UGT2B11: variants seen among roughly 807,000 people sequenced by gnomAD.
UGT2B11 encodes the protein UDP-glucuronosyltransferase 2B11.
In UGT2B11, 49 loss-of-function variants were observed where a neutral mutation model predicts 51.7. The observed-to-expected ratio is 0.95, with a 90% CI of 0.75 to 1.20. UGT2B11 has a LOEUF of 1.20. Among genes scored for constraint, UGT2B11 ranks in the 50% most tolerant of loss-of-function variants. The pLI is 0.00. For missense variants in UGT2B11, 810 were observed against 622.1 expected, an observed-to-expected ratio of 1.30 and a Z score of -3.21; for synonymous variants, 273 against 209.0, an observed-to-expected ratio of 1.31 and a Z score of -2.64.
the UGT2B11 span, among the ~76,000 whole-genome samples, chr4:69,223,078 T>C: frequency 2.0e-5 from 3 of 152,188 alleles, no homozygotes; most frequent in Non-Finnish European, 4.4e-5. Flanking sequence ...ATCACTCCAT[T>C]TATCTTCCTG....
chr4:69,215,378 A>G (rs1012773954), upstream of UGT2B11: 1 of 152,064 alleles, frequency 6.6e-6, no homozygotes. Context: ...ACGGAACAAT[A>G]TAGTATGTGG....
upstream of UGT2B11, chr4:69,214,812 C>T: frequency 1.3e-6 from 2 of 1,521,896 alleles, no homozygotes; most frequent in Non-Finnish European, 8.8e-7. Flanking sequence ...AATATAACTC[C>T]TCCAATCCAA....
rs1722200950 is a variant in UGT2B11 at position 69,214,511 on chromosome 4, G to C, written c.212C>G (p.Thr71Ser). 1 of 1,613,066 alleles carries C rather than the reference G, an allele frequency of 6.2e-7. No homozygotes were observed. Among genetic ancestry groups the C allele is most frequent in the Non-Finnish European group, 8.5e-7 (1 of 1,179,502 alleles). ...SILFDPNDAS[T>S]LKFEVYPTSL... ...TGTAGGATAAACTTCAAATTTAAGA[G>C]TGGATGCATCATTGGGATCAAAAAG... Residue 71 changes from threonine to serine, a missense_variant, in exon 1 of 6, where the codon ACT (threonine) becomes AGT (serine). Coordinates refer to ENST00000446444, the MANE Select transcript of UGT2B11 (RefSeq NM_001073.3).
chr4:69,224,095 G>A, the UGT2B11 span, among the ~76,000 whole-genome samples: 1 of 152,284 alleles, frequency 6.6e-6, no homozygotes, highest in Admixed American at 6.5e-5. Flanking sequence ...CTGATCCTCG[G>A]AGGGCACCAT....
At chr4:69,224,530 G>A in the UGT2B11 span, among the ~76,000 whole-genome samples, 1 of 152,226 alleles carries the variant, frequency 6.6e-6, no homozygotes, top group East Asian at 1.9e-4. Context: ...GCCCAGAGGT[G>A]CCCGGTTTAG....
At chr4:69,223,989 A>G in the UGT2B11 span, among the ~76,000 whole-genome samples, 1 of 152,194 alleles carries the variant, frequency 6.6e-6, no homozygotes, top group Non-Finnish European at 1.5e-5. Context: ...CCATATGATA[A>G]TTACAGACCT....
chr4:69,212,533 T>A (rs1243946768), intron 2 of UGT2B11, 40 bp downstream of exon 2: 1 of 1,590,928 alleles, frequency 6.3e-7, no homozygotes, highest in Non-Finnish European at 8.5e-7. Flanking sequence ...CTACTGAAAC[T>A]TCGAAGCCAA....
intron 2 of UGT2B11, among the ~76,000 whole-genome samples, chr4:69,209,827 T>A (rs1721991613): frequency 6.6e-6 from 1 of 151,592 alleles, no homozygotes; most frequent in Admixed American, 6.6e-5. Flanking sequence ...ATCTAATCTC[T>A]GTTTAGAGAT....
At chr4:69,211,740 G>A (rs1372966925) in intron 2 of UGT2B11, among the ~76,000 whole-genome samples, 1 of 151,394 alleles carries the variant, frequency 6.6e-6, no homozygotes, top group Non-Finnish European at 1.5e-5. Flanking sequence ...TTTCCTGAAT[G>A]GTTAGCTCTT....
Position 69,206,464 on chromosome 4 carries a change from G to C in UGT2B11, c.1003-897C>G, listed in dbSNP as rs145460945. 7.7e-3 allele frequency among the ~76,000 whole-genome samples: 1,163 copies of C among 150,330 alleles called. 16 individuals carry two copies. Among genetic ancestry groups the C allele is most frequent in the African/African-American group, 0.026 (1,064 of 40,194 alleles). ...CATAGATGGCAACAACATACACTGA[G>C]ATGTATTGGAGGGTGGAGGGTGGGA... is the stretch of plus-strand genomic sequence containing the variant. On this transcript the variant is annotated intron_variant, in intron 3 of 5. Coordinates refer to ENST00000446444, the MANE Select transcript of UGT2B11 (RefSeq NM_001073.3).
At chr4:69,211,829 A>G (rs1450057857) in intron 2 of UGT2B11, among the ~76,000 whole-genome samples, 10 of 151,608 alleles carry the variant, frequency 6.6e-5, no homozygotes, top group African/African-American at 2.4e-4. Flanking sequence ...TTTCATATAT[A>G]TTTATTTCTT....
chr4:69,211,714 C>A (rs1342571044), intron 2 of UGT2B11, among the ~76,000 whole-genome samples: 1 of 151,538 alleles, frequency 6.6e-6, no homozygotes, highest in South Asian at 2.1e-4. Flanking sequence ...CATCTGTTAC[C>A]TGAATCCATG....
Position 69,212,629 on chromosome 4 carries a change from G to A in UGT2B11, c.814C>T (p.Pro272Ser). 1.9e-6 allele frequency: 3 copies of A among 1,610,458 alleles called. No homozygotes were observed. The South Asian group carries it at 3.3e-5, about 18-fold the overall frequency. Residue 272 changes from proline to serine, a missense_variant, in exon 2 of 6, where the codon CCA (proline) becomes TCA (serine). Physicochemically the swap from Pro to Ser is moderately conservative, Grantham distance 74. Transcript: ENST00000446444. ...AATCCTCCAACAAAATCAACGTTTG[G>A]TAAGAATGGATGAGGAAATTGAAAA... ...WSFQFPHPFLPNVDFVGGFHC... is the reference protein window; with the variant it reads ...WSFQFPHPFLSNVDFVGGFHC...
At chr4:69,201,071 C>A (rs1577958253) in intron 5 of UGT2B11, 1 of 162,842 alleles carries the variant, frequency 6.1e-6, no homozygotes, top group Non-Finnish European at 1.3e-5. Context: ...TGTTTTGATA[C>A]AATGTGAAAT....
upstream of UGT2B11, among the ~76,000 whole-genome samples, chr4:69,219,709 C>T (rs1722364075): frequency 6.6e-6 from 1 of 151,690 alleles, no homozygotes; most frequent in Non-Finnish European, 1.5e-5. Context: ...TATAAGATCT[C>T]AAGACACTTA....
At chr4:69,222,194 G>T in the UGT2B11 span, among the ~76,000 whole-genome samples, 2 of 152,240 alleles carry the variant, frequency 1.3e-5, no homozygotes, top group Admixed American at 6.5e-5. Flanking sequence ...CTCTAAATTT[G>T]TTCTGGGCCT....
Position 69,208,378 on chromosome 4 carries a change from T to G in UGT2B11, c.975A>C (p.Ala325=). The change falls in exon 3 of 6, where the codon GCA becomes GCC. Residue 325 remains alanine (A), a synonymous_variant. Transcript: ENST00000446444. ...NMTAERANVI[A]TALAKIPQKV... is the part of the protein sequence containing the mutation. ...TTTGTGGGATCTTGGCAAGGGCTGT[T>G]GCAATTACATTGGCCCTTTCTGCTG... 15 of 1,611,176 alleles carry G rather than the reference T, an allele frequency of 9.3e-6. No homozygotes were observed. The highest frequency in any genetic ancestry group is 1.3e-5 in the Non-Finnish European group (15 of 1,178,142).
At chr4:69,216,256 C>T (rs1182680648), upstream of UGT2B11, 2 of 152,188 alleles carry the variant, frequency 1.3e-5, no homozygotes, top group South Asian at 2.1e-4. Context: ...AAACAGCATA[C>T]TCAATGAGCT....
At chr4:69,223,198 A>C in the UGT2B11 span, among the ~76,000 whole-genome samples, 1 of 152,192 alleles carries the variant, frequency 6.6e-6, no homozygotes, top group Admixed American at 6.5e-5. Context: ...GGTACAGAAG[A>C]CAATCAGCCA....
Sources: gnomAD v4.1 joint callset for allele counts (sites outside exome capture counted in the v4.1 genomes callset) on GRCh38, gnomAD v4.1.1 for gene constraint, MANE v1.5 for transcripts, NCBI Gene and HGNC (gene_info 2026-07-23, HGNC 2026-07-21) for gene names.